ZC3H6: variants seen among roughly 807,000 people sequenced by gnomAD.
The protein encoded by ZC3H6 is zinc finger CCCH domain-containing protein 6.
A neutral mutation model predicts 107.7 loss-of-function variants in ZC3H6; 40 were observed. The observed-to-expected ratio is 0.37, with a 90% CI of 0.29 to 0.48. ZC3H6 has a LOEUF of 0.48. Among genes scored for constraint, ZC3H6 ranks in the 20% least tolerant of loss-of-function variants. The pLI is 0.98. For missense variants in ZC3H6, 1,267 were observed against 1,410.4 expected, an observed-to-expected ratio of 0.90 and a Z score of 1.63; for synonymous variants, 493 against 487.9, an observed-to-expected ratio of 1.01 and a Z score of -0.14.
At chr2:112,311,693 AAG>A (rs1676595267) in intron 4 of ZC3H6, 109 bp from the exon 5 acceptor site, 2 of 889,602 alleles carry the variant, frequency 2.2e-6, no homozygotes, top group South Asian at 2.9e-5. Flanking sequence ...AAGGAAAAAA[AAG>A]AATGCACTGT....
At chr2:112,286,685 C>T (rs181263002) in intron 1 of ZC3H6, among the ~76,000 whole-genome samples, 6 of 152,290 alleles carry the variant, frequency 3.9e-5, no homozygotes, top group African/African-American at 7.2e-5. Context: ...GTGATCTGCC[C>T]GCTTTGGCCT....
chr2:112,301,022 A>T (rs914588661), intron 2 of ZC3H6, among the ~76,000 whole-genome samples: 10 of 152,278 alleles, frequency 6.6e-5, no homozygotes, highest in African/African-American at 2.4e-4. Flanking sequence ...ACTGGAGCCA[A>T]ACGATAGACA....
chr2:112,282,367 C>T (rs537750295), intron 1 of ZC3H6, among the ~76,000 whole-genome samples: 24 of 152,114 alleles, frequency 1.6e-4, no homozygotes, highest in African/African-American at 4.8e-4. Flanking sequence ...AGTGTCAGAG[C>T]GATCAGACAC....
Position 112,334,075 on chromosome 2 carries a change from G to A in ZC3H6, c.*1587G>A, listed in dbSNP as rs1339409830. 1 of 152,088 alleles carries A rather than the reference G, an allele frequency of 6.6e-6. No individual in the cohort carries two copies. Among genetic ancestry groups the A allele is most frequent in the Admixed American group, 6.5e-5 (1 of 15,268 alleles). 9.4% of individuals were successfully genotyped at this position (152,088 alleles called of 1,614,324 possible). On this transcript the variant is annotated 3_prime_UTR_variant, in exon 12 of 12. Coordinates refer to ENST00000409871, the MANE Select transcript of ZC3H6 (RefSeq NM_198581.3). The stretch of plus-strand genomic sequence containing the variant: ...TGGAAGGAGAGTTACTGAAGGGAAT[G>A]TGAATTTTTACCGTTTGTACTTAAG...
At chr2:112,293,153 T>C (rs1558948126) in intron 1 of ZC3H6, among the ~76,000 whole-genome samples, 1 of 151,994 alleles carries the variant, frequency 6.6e-6, no homozygotes, top group East Asian at 1.9e-4. Flanking sequence ...TTGCATAGAG[T>C]TCAGCAAAAA....
intron 7 of ZC3H6, among the ~76,000 whole-genome samples, chr2:112,317,934 G>T (rs541295010): frequency 6.6e-6 from 1 of 152,088 alleles, no homozygotes; most frequent in African/African-American, 2.4e-5. Context: ...TTCCCCCACA[G>T]AATTGAAACT....
Position 112,332,061 on chromosome 2 carries a change from T to G in ZC3H6, c.3143T>G (p.Leu1048Trp). The change falls in exon 12 of 12, where the codon TTG becomes TGG. Residue 1048 changes from leucine (L) to tryptophan (W), a missense_variant. Physicochemically the swap from Leu to Trp is moderately conservative, Grantham distance 61 (BLOSUM62 -2). Transcript: ENST00000409871. ...ACTTCAGTTCTTAGTGGTATTAGTT[T>G]GTATGACCCTAGGGATCACGGTTCA... The part of the protein sequence containing the change: ...TSTSVLSGIS[L>W]YDPRDHGSSS... 6.2e-7 allele frequency: 1 copy of G among 1,613,962 alleles called. No individual in the cohort carries two copies. Among genetic ancestry groups the G allele is most frequent in the Non-Finnish European group, 8.5e-7 (1 of 1,179,872 alleles).
chr2:112,302,550 G>A (rs1676399864), intron 2 of ZC3H6, among the ~76,000 whole-genome samples: 1 of 152,076 alleles, frequency 6.6e-6, no homozygotes, highest in Admixed American at 6.6e-5. Context: ...GCTAGGAAAT[G>A]TAAGAACTCT....
At chr2:112,301,274 C>G (rs192478517) in intron 2 of ZC3H6, among the ~76,000 whole-genome samples, 2 of 152,164 alleles carry the variant, frequency 1.3e-5, no homozygotes, top group South Asian at 4.1e-4. Flanking sequence ...ACCTGATGAA[C>G]CCCAAATATG....
intron 6 of ZC3H6, 23 bp from the exon 7 acceptor site, chr2:112,317,195 TTTC>T: frequency 2.3e-6 from 3 of 1,286,426 alleles, no homozygotes; most frequent in Non-Finnish European, 3.1e-6. Context: ...TTTTTTCTTT[TTTC>T]TTTTTTTTTT....
intron 11 of ZC3H6, among the ~76,000 whole-genome samples, chr2:112,330,041 T>C (rs995163157): frequency 1.3e-5 from 2 of 151,390 alleles, no homozygotes; most frequent in Non-Finnish European, 2.9e-5. Flanking sequence ...AGTATGTAAG[T>C]TTTAGGATGG....
chr2:112,289,305 A>T (rs1433262586), intron 1 of ZC3H6, among the ~76,000 whole-genome samples: 2 of 136,770 alleles, frequency 1.5e-5, no homozygotes, highest in East Asian at 4.3e-4. Context: ...GGCCCTGAAC[A>T]CTTTTTTTTT....
chr2:112,296,763 A>G (rs1676245062), intron 1 of ZC3H6, among the ~76,000 whole-genome samples: 1 of 152,210 alleles, frequency 6.6e-6, no homozygotes, highest in Admixed American at 6.5e-5. Flanking sequence ...GATTCAGTAA[A>G]TAGCAAGGTG....
In ZC3H6 at chr2:112,314,160, C is replaced by T. The variant is rs190034734; in HGVS notation, c.747+2223C>T. The stretch of plus-strand genomic sequence containing the variant: ...CAGTAGGTAGCTTGGTTTTTTTTCT[C>T]CCTCCATCTCTCCCTCTTTCTCTCC... On this transcript the variant is annotated intron_variant, in intron 5 of 11. Coordinates refer to ENST00000409871, the MANE Select transcript of ZC3H6 (RefSeq NM_198581.3). Among the ~76,000 whole-genome samples the T allele has an allele frequency of 6.3e-4, 94 of 150,386 alleles. No individual in the cohort carries two copies. The Middle Eastern group carries it at 0.01, about 16-fold the overall frequency.
chr2:112,331,901 G>T lies in ZC3H6; in HGVS notation c.2983G>T (p.Ala995Ser). ...GAAGGATTCACATGCATCAAAGGGT[G>T]CCCCTCACTTACCCAGATCAAACCC... is the stretch of plus-strand genomic sequence containing the variant. ...VMKDSHASKGAPHLPRSNPGS... is the reference protein window; with the variant it reads ...VMKDSHASKGSPHLPRSNPGS... Residue 995 changes from alanine (A) to serine (S), a missense_variant, in exon 12 of 12, where the codon GCC (alanine) becomes TCC (serine). Ala to Ser is a moderately conservative substitution (Grantham distance 99). This residue lies in a region of ZC3H6 where 925 missense variants were observed against 1,025.7 expected (regional missense o/e 0.90). Coordinates refer to ENST00000409871, the MANE Select transcript of ZC3H6 (RefSeq NM_198581.3). The T allele has an allele frequency of 6.2e-7, 1 of 1,613,932 alleles. No individual in the cohort carries two copies. Among genetic ancestry groups the T allele is most frequent in the Non-Finnish European group, 8.5e-7 (1 of 1,179,888 alleles).
At chr2:112,317,198 C>CTT (rs564035069) in intron 6 of ZC3H6, 23 bp from the exon 7 acceptor site, 25,303 of 1,018,660 alleles carry the variant, frequency 0.025, 31 homozygotes, top group East Asian at 0.063. Context: ...TTTCTTTTTT[C>CTT]TTTTTTTTTT....
intron 9 of ZC3H6, 63 bp downstream of exon 9, chr2:112,322,965 TAA>T (rs1407185738): frequency 6.8e-6 from 10 of 1,462,722 alleles, no homozygotes; most frequent in Non-Finnish European, 7.4e-6. Context: ...ATTAAGAAAC[TAA>T]GTCATACTCC....
intron 3 of ZC3H6, among the ~76,000 whole-genome samples, chr2:112,306,468 C>T (rs546220395): frequency 3.9e-5 from 6 of 152,260 alleles, no homozygotes; most frequent in South Asian, 2.1e-4. Context: ...CCACCGTGCA[C>T]GGCCTGAAGT....
At chr2:112,282,651 CAA>C (rs1178767462) in intron 1 of ZC3H6, among the ~76,000 whole-genome samples, 1 of 152,178 alleles carries the variant, frequency 6.6e-6, no homozygotes, top group East Asian at 1.9e-4. Context: ...ATTCCCATCA[CAA>C]GAGAACGCCA....
Sources: gnomAD v4.1 joint callset for allele counts (sites outside exome capture counted in the v4.1 genomes callset) on GRCh38, gnomAD v4.1.1 for gene constraint, gnomAD v4.1.1 regional missense constraint, MANE v1.5 for transcripts, NCBI Gene and HGNC (gene_info 2026-07-23, HGNC 2026-07-21) for gene names.